Variants in ADAM7 observed in about 807,000 individuals in gnomAD.
ADAM7 encodes the protein ADAM metallopeptidase domain 7.
A neutral mutation model predicts 102.9 loss-of-function variants in ADAM7; 97 were observed. The ratio of observed to expected loss-of-function variants is 0.94; its 90% CI spans 0.80 to 1.12. The LOEUF is 1.12. ADAM7 is among the 50% of genes most tolerant of loss of function. The pLI is 0.00. For missense variants in ADAM7, 991 were observed against 908.7 expected (o/e 1.09, Z -1.16); for synonymous variants, 334 against 304.4 (o/e 1.10, Z -1.01).
chr8:24,504,716 T>C (rs957265333), intron 20 of ADAM7, among the ~76,000 whole-genome samples: 4 of 152,130 alleles, frequency 2.6e-5, no homozygotes, highest in Non-Finnish European at 4.4e-5. Flanking sequence ...AGGCATGCCA[T>C]AAGCCTTGTG....
At chr8:24,461,141 C>T (rs1377313301) in intron 3 of ADAM7, among the ~76,000 whole-genome samples, 2 of 151,992 alleles carry the variant, frequency 1.3e-5, no homozygotes, top group Admixed American at 6.6e-5. Flanking sequence ...TACAGGCACC[C>T]GCCACCACGC....
intron 1 of ADAM7, 110 bp from the exon 2 acceptor site, chr8:24,442,363 A>G: frequency 1.3e-6 from 1 of 781,844 alleles, no homozygotes; most frequent in Non-Finnish European, 2.3e-6. Flanking sequence ...GTTGCTGTCC[A>G]TGGCTGCTAA....
intron 7 of ADAM7, chr8:24,476,088 G>A (rs10100176): frequency 0.68 from 265,318 of 388,140 alleles, 92,403 homozygotes; most frequent in Middle Eastern, 0.74. Flanking sequence ...AGCTTTAATA[G>A]GTTTGTTTCA....
chr8:24,505,975 C>G (rs1453469839), intron 20 of ADAM7: 1 of 761,316 alleles, frequency 1.3e-6, no homozygotes, highest in Non-Finnish European at 2.2e-6. Context: ...TAGACAGGCC[C>G]TGAGATAGAC....
intron 1 of ADAM7, 60 bp from the exon 2 acceptor site, chr8:24,442,413 C>T: frequency 1.7e-6 from 2 of 1,161,318 alleles, no homozygotes; most frequent in African/African-American, 3.0e-5. Flanking sequence ...TTCTGTTTTT[C>T]AGCCGCTGTA....
At chr8:24,501,248 T>C (rs1820749822) in intron 19 of ADAM7, among the ~76,000 whole-genome samples, 1 of 152,168 alleles carries the variant, frequency 6.6e-6, no homozygotes, top group Admixed American at 6.6e-5. Context: ...GTTTATCCCA[T>C]AATTTCTGAT....
chr8:24,487,312 T>G lies in ADAM7; in HGVS notation c.1086T>G (p.Asp362Glu). 4.3e-6 allele frequency: 7 copies of G among 1,613,598 alleles called. No homozygotes were observed. Among genetic ancestry groups the G allele is most frequent in the Non-Finnish European group, 5.9e-6 (7 of 1,179,712 alleles). ...CPSGKCVMDS[D>E]GSIPALKFSK... ...CAGGAAAATGCGTGATGGACAGTGA[T>G]GGAAGGTGAGATTCGAACAATGTAC... The change falls in exon 11 of 22, where the codon GAT (aspartate) becomes GAG (glutamate). Residue 362 changes from aspartate to glutamate, a missense_variant. Physicochemically the swap from Asp to Glu is conservative, Grantham distance 45 (BLOSUM62 2). Transcript: ENST00000175238.
chr8:24,487,990 G>A (rs943499216), intron 11 of ADAM7, among the ~76,000 whole-genome samples: 1 of 152,058 alleles, frequency 6.6e-6, no homozygotes. Context: ...TTACTCAAAT[G>A]TTATTCCCAC....
chr8:24,447,072 T>G (rs1818587406), intron 2 of ADAM7, 114 bp from the exon 3 acceptor site: 1 of 492,098 alleles, frequency 2.0e-6, no homozygotes, highest in Admixed American at 3.2e-5. Context: ...GCATTTTGGC[T>G]GAAAGGACTG....
intron 14 of ADAM7, 38 bp from the exon 15 acceptor site, chr8:24,492,456 TG>T (rs1490131623): frequency 7.2e-7 from 1 of 1,388,982 alleles, no homozygotes; most frequent in Non-Finnish European, 1.0e-6. Flanking sequence ...ATGATAGTCA[TG>T]CTTTATTGTT....
chr8:24,467,149 T>TA (rs1229065246), intron 6 of ADAM7, 161 bp downstream of exon 6: 1 of 657,452 alleles, frequency 1.5e-6, no homozygotes, highest in African/African-American at 1.8e-5. Flanking sequence ...CTTGTCTATG[T>TA]AAAAAGTGTT....
At chr8:24,467,560 T>C (rs538018612) in intron 6 of ADAM7, 2 of 153,976 alleles carry the variant, frequency 1.3e-5, no homozygotes, top group South Asian at 4.1e-4. Flanking sequence ...CCATGATTTG[T>C]ATAGTGTCTG....
In ADAM7 at chr8:24,496,746, C is replaced by T. The variant is rs1563395629; in HGVS notation, c.1843-2490C>T. ...CCCATTTGGAATGGCTGTATTTATC[C>T]AATGCCTGTACCCCCATTGTGTCCA... On this transcript the variant is annotated intron_variant, in intron 16 of 21. Coordinates refer to ENST00000175238, the MANE Select transcript of ADAM7 (RefSeq NM_003817.4). 3.3e-5 allele frequency among the ~76,000 whole-genome samples: 5 copies of T among 152,182 alleles called. No individual in the cohort carries two copies. The South Asian group carries it at 6.2e-4, about 19-fold the overall frequency.
chr8:24,483,454 C>A (rs766523040), intron 9 of ADAM7, among the ~76,000 whole-genome samples: 10 of 152,280 alleles, frequency 6.6e-5, no homozygotes, highest in Non-Finnish European at 1.5e-4. Context: ...CTAAGGTCTG[C>A]AAACCCAGCG....
chr8:24,507,408 T>G, intron 20 of ADAM7, 72 bp from the exon 21 acceptor site: 1 of 1,230,782 alleles, frequency 8.1e-7, no homozygotes, highest in Non-Finnish European at 1.2e-6. Flanking sequence ...TGCACATGCA[T>G]GTCTGTGTGT....
chr8:24,473,852 A>G (rs979914512), intron 7 of ADAM7, among the ~76,000 whole-genome samples: 2 of 152,138 alleles, frequency 1.3e-5, no homozygotes, highest in Non-Finnish European at 2.9e-5. Flanking sequence ...AGATTTTTAA[A>G]AAGTGATAAT....
chr8:24,480,928 GGT>G (rs1404806507), intron 8 of ADAM7, among the ~76,000 whole-genome samples: 1 of 151,900 alleles, frequency 6.6e-6, no homozygotes, highest in African/African-American at 2.4e-5. Flanking sequence ...AAGGCACAGT[GGT>G]GTGTGCCTGT....
intron 3 of ADAM7, among the ~76,000 whole-genome samples, chr8:24,450,008 T>C (rs1283361071): frequency 1.3e-5 from 2 of 152,208 alleles, no homozygotes; most frequent in Admixed American, 6.5e-5. Context: ...CATTGATCTA[T>C]ATCTCTGTTT....
At chr8:24,488,135 T>C (rs1820207756) in intron 11 of ADAM7, among the ~76,000 whole-genome samples, 1 of 152,212 alleles carries the variant, frequency 6.6e-6, no homozygotes, top group Non-Finnish European at 1.5e-5. Flanking sequence ...ATTCAGCTTA[T>C]TTATAACTGT....
Sources: allele counts gnomAD v4.1 joint callset (sites outside exome capture counted in the v4.1 genomes callset), GRCh38; gene constraint gnomAD v4.1.1; transcripts MANE v1.5; gene names NCBI Gene and HGNC (gene_info 2026-07-23, HGNC 2026-07-21).